The following RFT1 variants were observed in gnomAD, a reference collection of about 807,000 sequenced individuals.
The protein encoded by RFT1 is man(5)GlcNAc(2)-PP-dolichol translocation protein RFT1.
A neutral mutation model predicts 62.2 loss-of-function variants in RFT1; 43 were observed. The ratio of observed to expected loss-of-function variants is 0.69; its 90% confidence interval spans 0.54 to 0.89. RFT1 has a LOEUF of 0.89. Among genes scored for constraint, RFT1 ranks in the 40% least tolerant of loss-of-function variants. RFT1 has a pLI of 0.00. For synonymous variants in RFT1, 262 were observed against 264.6 expected (o/e 0.99, Z 0.10); for missense variants, 605 against 649.9 (o/e 0.93, Z 0.75).
intron 1 of RFT1, among the ~76,000 whole-genome samples, chr3:53,127,361 AG>A (rs927002578): frequency 1.3e-5 from 2 of 152,130 alleles, no homozygotes; most frequent in African/African-American, 4.8e-5. Flanking sequence ...GTTGATTAAA[AG>A]GATCAAAAGA....
the RFT1 span, among the ~76,000 whole-genome samples, chr3:53,080,647 C>T: frequency 1.3e-5 from 2 of 152,170 alleles, no homozygotes; most frequent in African/African-American, 4.8e-5. Context: ...TCCACTCGTT[C>T]AAGTCCACTA....
At chr3:53,067,189 A>T in the RFT1 span, among the ~76,000 whole-genome samples, 1 of 152,152 alleles carries the variant, frequency 6.6e-6, no homozygotes, top group Non-Finnish European at 1.5e-5. Context: ...ACAAAAAAAT[A>T]GAAAAAATCA....
In RFT1 at chr3:53,091,805, T is replaced by G. The variant is rs760260993; in HGVS notation, c.*98A>C. The G allele has an allele frequency of 1.5e-6, 2 of 1,331,986 alleles. No individual in the cohort carries two copies. Among genetic ancestry groups the G allele is most frequent in the African/African-American group, 2.9e-5 (2 of 70,094 alleles). 82.5% of individuals were successfully genotyped at this position (1,331,986 alleles called of 1,614,324 possible). A position where few individuals can be genotyped will look rare whatever the true frequency, so the allele number is the denominator to read the frequency against. On this transcript the variant is annotated 3_prime_UTR_variant, in exon 13 of 13. Coordinates refer to ENST00000296292, the MANE Select transcript of RFT1 (RefSeq NM_052859.4). ...ATCTCTGGGGTTGCTGTCACTCCGC[T>G]GCAGAGCCCTCAGTGGGGCTCTTAC...
chr3:53,068,852 G>C, the RFT1 span, among the ~76,000 whole-genome samples: 2 of 152,240 alleles, frequency 1.3e-5, no homozygotes, highest in East Asian at 3.9e-4. Context: ...GACCATTCTG[G>C]TTTTCACTTT....
intron 6 of RFT1, among the ~76,000 whole-genome samples, chr3:53,117,494 G>A (rs1038446126): frequency 2.0e-5 from 3 of 152,158 alleles, no homozygotes; most frequent in Admixed American, 6.5e-5. Context: ...CAAGCATGGC[G>A]CCATGTTCTT....
At position 53,106,863 on chromosome 3, in the gene RFT1, C is replaced by T. The variant is rs374781452; in HGVS notation, c.782G>A (p.Arg261Gln). ...TACATTCAAAAATGTCATCACATATCGCTCGCCTATAAACAAAAAAGCAAA... is the reference window on the plus strand; with the variant it reads ...TACATTCAAAAATGTCATCACATATTGCTCGCCTATAAACAAAAAAGCAAA... ...FLKQILTEGE[R>Q]YVMTFLNVLN... The change falls in exon 8 of 13, where the codon CGA (arginine) becomes CAA (glutamine). Residue 261 changes from arginine to glutamine, a missense_variant. Arg to Gln is a conservative substitution (Grantham distance 43). Coordinates refer to ENST00000296292, the MANE Select transcript of RFT1 (RefSeq NM_052859.4). The T allele has an allele frequency of 1.1e-5, 18 of 1,612,644 alleles. No homozygotes were observed. Among genetic ancestry groups the T allele is most frequent in the East Asian group, 2.2e-5 (1 of 44,792 alleles).
At position 53,112,428 on chromosome 3, in the gene RFT1, A is replaced by G. The variant is rs546747625; in HGVS notation, c.697-520T>C. ...GGTATGACAGAGGAACGGAGAAAAT[A>G]AAATTTCTGATATGACTCTTCTAAA... On this transcript the variant is annotated intron_variant, in intron 6 of 12. Transcript: ENST00000296292. Among the ~76,000 whole-genome samples the G allele has an allele frequency of 3.9e-5, 6 of 152,326 alleles. No homozygotes were observed. The South Asian group carries it at 1.0e-3, about 26-fold the overall frequency.
At chr3:53,084,711 A>G (rs1452765254), downstream of RFT1, among the ~76,000 whole-genome samples, 1 of 152,230 alleles carries the variant, frequency 6.6e-6, no homozygotes, top group Non-Finnish European at 1.5e-5. Context: ...TTTCCCACTG[A>G]GCACTGTGAA....
At chr3:53,084,903 G>A (rs1365053224), downstream of RFT1, among the ~76,000 whole-genome samples, 1 of 152,206 alleles carries the variant, frequency 6.6e-6, no homozygotes, top group African/African-American at 2.4e-5. Flanking sequence ...GGGAAGGGGC[G>A]ATGAGGGATG....
At chr3:53,099,006 TG>T (rs1420220852) in intron 11 of RFT1, among the ~76,000 whole-genome samples, 1 of 152,132 alleles carries the variant, frequency 6.6e-6, no homozygotes, top group Non-Finnish European at 1.5e-5. Flanking sequence ...ATGTGCATCT[TG>T]AAGAAGCTCC....
In RFT1 at chr3:53,089,485, T is replaced by C. The variant is rs928029256; in HGVS notation, c.*2418A>G. The C allele has an allele frequency of 6.6e-6, 1 of 152,182 alleles. No individual in the cohort carries two copies. The highest frequency in any genetic ancestry group is 2.4e-5 in the African/African-American group (1 of 41,438). The allele number at this position is 152,182 out of a possible 1,614,324, so 9.4% of individuals were successfully genotyped here. ...TATGATTTCTGCTCCCCAAATCCAC[T>C]TGGGTAAAGTGAGGCAGGCTGGCCC... is the stretch of plus-strand genomic sequence containing the variant. On this transcript the variant is annotated 3_prime_UTR_variant, in exon 13 of 13. Transcript: ENST00000296292.
At chr3:53,072,122 G>C in the RFT1 span, among the ~76,000 whole-genome samples, 1 of 152,220 alleles carries the variant, frequency 6.6e-6, no homozygotes, top group South Asian at 2.1e-4. Flanking sequence ...CTCTGCCTGG[G>C]AGTGTCAGGA....
At chr3:53,101,286 G>C (rs1701305808) in intron 10 of RFT1, among the ~76,000 whole-genome samples, 1 of 152,208 alleles carries the variant, frequency 6.6e-6, no homozygotes, top group South Asian at 2.1e-4. Context: ...TCCAGGAAGG[G>C]AGGCGGGGAC....
intron 2 of RFT1, among the ~76,000 whole-genome samples, chr3:53,124,591 A>C (rs934051257): frequency 6.6e-6 from 1 of 152,182 alleles, no homozygotes; most frequent in Non-Finnish European, 1.5e-5. Flanking sequence ...AGGACCTGCC[A>C]ATCTCAGGAA....
Position 53,104,028 on chromosome 3 carries a change from T to C in RFT1, c.1027A>G (p.Ile343Val). 1 of 1,614,172 alleles carries C rather than the reference T, an allele frequency of 6.2e-7. No homozygotes were observed. Among genetic ancestry groups the C allele is most frequent in the African/African-American group, 1.3e-5 (1 of 75,038 alleles). Reference protein sequence around the residue: ...LKLALLAGLTITVFGFAYSQL... With the variant: ...LKLALLAGLTVTVFGFAYSQL... ...GAATAGGCAAAGCCAAAAACAGTGA[T>C]GGTCAGGCCGGCCAGCAGGGCCAGC... The change falls in exon 10 of 13, where the codon ATC becomes GTC. Residue 343 changes from isoleucine to valine, a missense_variant. Coordinates refer to ENST00000296292, the MANE Select transcript of RFT1 (RefSeq NM_052859.4).
intron 2 of RFT1, among the ~76,000 whole-genome samples, chr3:53,124,238 G>A (rs888583840): frequency 6.6e-6 from 1 of 152,180 alleles, no homozygotes; most frequent in African/African-American, 2.4e-5. Flanking sequence ...AGCCTCTACC[G>A]AGTGGAGGCT....
chr3:53,112,818 G>C (rs1701689910), intron 6 of RFT1, among the ~76,000 whole-genome samples: 1 of 152,156 alleles, frequency 6.6e-6, no homozygotes, highest in Admixed American at 6.6e-5. Context: ...CACTTAGGTA[G>C]GGTAGAGGTC....
downstream of RFT1, among the ~76,000 whole-genome samples, chr3:53,084,167 G>A (rs1044672071): frequency 1.3e-4 from 20 of 152,194 alleles, no homozygotes; most frequent in African/African-American, 3.4e-4. Flanking sequence ...TGGGGTTTTC[G>A]TCTGCACCTG....
chr3:53,066,960 T>C, the RFT1 span, among the ~76,000 whole-genome samples: 3 of 152,156 alleles, frequency 2.0e-5, no homozygotes, highest in Non-Finnish European at 4.4e-5. Flanking sequence ...TATCCATCCA[T>C]ACAATGGAGA....
Sources: gnomAD v4.1 joint callset for allele counts (sites outside exome capture counted in the v4.1 genomes callset) on GRCh38, gnomAD v4.1.1 for gene constraint, MANE v1.5 for transcripts, NCBI Gene and HGNC (gene_info 2026-07-23, HGNC 2026-07-21) for gene names.